The following PPP6R3 variants were observed in gnomAD, a reference collection of about 807,000 sequenced individuals.
The protein encoded by PPP6R3 is serine/threonine-protein phosphatase 6 regulatory subunit 3.
Under a neutral mutation model 110.7 loss-of-function variants are expected in PPP6R3, and 38 were observed. The ratio of observed to expected loss-of-function variants is 0.34; its 90% confidence interval spans 0.26 to 0.45. The LOEUF is 0.45. Ranked by LOEUF, PPP6R3 falls within the 20% of genes least tolerant of loss-of-function variation. The pLI, the probability that PPP6R3 is intolerant of heterozygous loss-of-function variation, is 1.00. For missense variants in PPP6R3, 870 were observed against 1,062.4 expected (o/e 0.82, Z 2.52); for synonymous variants, 369 against 373.5 (o/e 0.99, Z 0.14).
At chr11:68,465,614 A>C (rs1294892320) in intron 1 of PPP6R3, among the ~76,000 whole-genome samples, 1 of 152,242 alleles carries the variant, frequency 6.6e-6, no homozygotes, top group Non-Finnish European at 1.5e-5. Flanking sequence ...TCTAATATCC[A>C]TTTATTTCAT....
At chr11:68,610,057 C>G in intron 23 of PPP6R3, 34 bp downstream of exon 23, 3 of 1,606,994 alleles carry the variant, frequency 1.9e-6, no homozygotes, top group Non-Finnish European at 2.5e-6. Flanking sequence ...CACCCAGGCC[C>G]TGCCCTGACC....
In PPP6R3 at chr11:68,603,510, C is replaced by T; in HGVS notation, c.2450+18C>T. The T allele has an allele frequency of 6.2e-7, 1 of 1,613,794 alleles. No individual in the cohort carries two copies. On this transcript the variant is annotated intron_variant, in intron 22 of 23. Transcript: ENST00000393800. ...TTCAAAAGGTAACCAGGGGTGAGAT[C>T]CTGCTGGTAGCTTCAGGTTATTGGG...
chr11:68,544,566 C>A (rs1038522920), intron 3 of PPP6R3, among the ~76,000 whole-genome samples: 1 of 152,228 alleles, frequency 6.6e-6, no homozygotes, highest in Non-Finnish European at 1.5e-5. Flanking sequence ...GCAGCATGAC[C>A]TCTCTGGGCT....
At chr11:68,570,101 CT>C (rs1323948215) in intron 11 of PPP6R3, among the ~76,000 whole-genome samples, 1 of 152,106 alleles carries the variant, frequency 6.6e-6, no homozygotes, top group Non-Finnish European at 1.5e-5. Context: ...AATGAACAGT[CT>C]TGTAAGAAAA....
chr11:68,559,438 G>A (rs991411904), intron 8 of PPP6R3, among the ~76,000 whole-genome samples: 1 of 152,182 alleles, frequency 6.6e-6, no homozygotes, highest in African/African-American at 2.4e-5. Flanking sequence ...TTGGAATTTT[G>A]TATTTTTTAC....
intron 3 of PPP6R3, among the ~76,000 whole-genome samples, chr11:68,542,078 C>T (rs142789172): frequency 4.7e-5 from 7 of 148,052 alleles, no homozygotes; most frequent in African/African-American, 1.0e-4. Context: ...CCTGTGAGAA[C>T]GTTGCAGCAC....
At chr11:68,465,691 C>G (rs2098740629) in intron 1 of PPP6R3, among the ~76,000 whole-genome samples, 1 of 152,154 alleles carries the variant, frequency 6.6e-6, no homozygotes, top group Admixed American at 6.5e-5. Flanking sequence ...GATGAACAGG[C>G]CCTTAAGGAC....
intron 10 of PPP6R3, among the ~76,000 whole-genome samples, chr11:68,569,331 GA>G (rs2099493202): frequency 6.6e-6 from 1 of 152,164 alleles, no homozygotes; most frequent in Non-Finnish European, 1.5e-5. Flanking sequence ...TTGGATGCCT[GA>G]AACCACAGCT....
chr11:68,581,971 C>A (rs886658138), intron 14 of PPP6R3, among the ~76,000 whole-genome samples: 1 of 152,188 alleles, frequency 6.6e-6, no homozygotes, highest in Non-Finnish European at 1.5e-5. Flanking sequence ...TCATCTTGTT[C>A]AGGCAGTGAT....
At chr11:68,602,883 A>G (rs1042911294) in intron 21 of PPP6R3, among the ~76,000 whole-genome samples, 9 of 152,166 alleles carry the variant, frequency 5.9e-5, no homozygotes, top group East Asian at 1.9e-4. Flanking sequence ...CTCATCACCT[A>G]TGTTGGCTTC....
At chr11:68,526,734 C>A (rs2099200872) in intron 2 of PPP6R3, among the ~76,000 whole-genome samples, 1 of 152,184 alleles carries the variant, frequency 6.6e-6, no homozygotes, top group Non-Finnish European at 1.5e-5. Flanking sequence ...CCACACAACC[C>A]CTCAGTCTCA....
At chr11:68,462,786 C>A (rs1274767031) in intron 1 of PPP6R3, among the ~76,000 whole-genome samples, 1 of 152,144 alleles carries the variant, frequency 6.6e-6, no homozygotes, top group African/African-American at 2.4e-5. Context: ...TTGCGTGCAC[C>A]TTCCCCTGGT....
At chr11:68,501,959 G>A (rs1446933118) in intron 1 of PPP6R3, among the ~76,000 whole-genome samples, 2 of 152,196 alleles carry the variant, frequency 1.3e-5, no homozygotes, top group African/African-American at 2.4e-5. Flanking sequence ...TGCCTCATCA[G>A]TGTTATAATG....
In PPP6R3 at chr11:68,548,196, G is replaced by A. The variant is rs374174841; in HGVS notation, c.544G>A (p.Val182Met). 198 of 1,613,906 alleles carry A rather than the reference G, an allele frequency of 1.2e-4. No homozygotes were observed. Among genetic ancestry groups the A allele is most frequent in the Non-Finnish European group, 1.5e-4 (173 of 1,179,980 alleles). Residue 182 changes from valine (V) to methionine (M), a missense_variant, in exon 5 of 24, where the codon GTG becomes ATG. Val to Met is a conservative substitution (Grantham distance 21). Transcript: ENST00000393800. ...CIEPPQPRQD[V>M]LNWLNEEKII... ...CGAACCTCCACAGCCCAGGCAAGAT[G>A]TGCTGAATGTGAGTAGAATTCTGAC...
At chr11:68,476,599 AGCTATAT>A (rs1228572868) in intron 1 of PPP6R3, among the ~76,000 whole-genome samples, 5 of 152,252 alleles carry the variant, frequency 3.3e-5, no homozygotes, top group Non-Finnish European at 5.9e-5. Context: ...GCACCACTTT[AGCTATAT>A]GCTATAAGTT....
intron 14 of PPP6R3, among the ~76,000 whole-genome samples, chr11:68,578,019 TC>T (rs1444278998): frequency 7.9e-5 from 12 of 152,202 alleles, no homozygotes; most frequent in African/African-American, 2.9e-4. Context: ...CTTCTTCAAT[TC>T]TTTATTCCCG....
intron 2 of PPP6R3, among the ~76,000 whole-genome samples, chr11:68,523,124 A>G (rs185306706): frequency 5.3e-5 from 8 of 152,316 alleles, no homozygotes; most frequent in Admixed American, 3.3e-4. Context: ...TAAAGTCAGT[A>G]TTAAAGGTAT....
intron 11 of PPP6R3, among the ~76,000 whole-genome samples, chr11:68,570,284 T>C (rs1268424633): frequency 1.3e-5 from 2 of 152,260 alleles, no homozygotes; most frequent in Non-Finnish European, 2.9e-5. Flanking sequence ...TCAGGAGAAC[T>C]GAGTTCTTTG....
intron 2 of PPP6R3, among the ~76,000 whole-genome samples, chr11:68,533,957 C>G (rs2099255738): frequency 6.6e-6 from 1 of 152,126 alleles, no homozygotes; most frequent in Non-Finnish European, 1.5e-5. Flanking sequence ...AGGTGGCTTT[C>G]TTCCATATAG....
Sources: gnomAD v4.1 joint callset for allele counts (sites outside exome capture counted in the v4.1 genomes callset) on GRCh38, gnomAD v4.1.1 for gene constraint, MANE v1.5 for transcripts, NCBI Gene and HGNC (gene_info 2026-07-23, HGNC 2026-07-21) for gene names.